PPARGC1A: variants seen among roughly 807,000 people sequenced by gnomAD.
PPARGC1A encodes peroxisome proliferator-activated receptor gamma coactivator 1-alpha.
In PPARGC1A, 25 loss-of-function variants were observed where a neutral mutation model predicts 88.7. The ratio of observed to expected loss-of-function variants is 0.28; its 90% CI spans 0.21 to 0.39. PPARGC1A has a LOEUF of 0.39. Ranked by LOEUF, PPARGC1A falls within the 10% of genes least tolerant of loss-of-function variation. The pLI is 1.00. For missense variants in PPARGC1A, 880 were observed against 968.7 expected (o/e 0.91, Z 1.22); for synonymous variants, 363 against 355.6 (o/e 1.02, Z -0.24).
the PPARGC1A span, among the ~76,000 whole-genome samples, chr4:24,269,355 A>G: frequency 8.0e-6 from 1 of 124,672 alleles, no homozygotes; most frequent in Admixed American, 9.1e-5. Context: ...AATCAGAGTC[A>G]TTTATCTCAA....
chr4:24,002,093 CACACAGAG>C, the PPARGC1A span, among the ~76,000 whole-genome samples: 13 of 135,700 alleles, frequency 9.6e-5, no homozygotes, highest in South Asian at 2.6e-4. Flanking sequence ...CACACACACA[CACACAGAG>C]AGAGAGAGAG....
chr4:24,159,915 G>T, the PPARGC1A span, among the ~76,000 whole-genome samples: 1 of 152,140 alleles, frequency 6.6e-6, no homozygotes, highest in African/African-American at 2.4e-5. Flanking sequence ...CTGCTGAAAG[G>T]CCACTCCCTG....
At chr4:24,371,041 C>T in the PPARGC1A span, among the ~76,000 whole-genome samples, 3 of 152,060 alleles carry the variant, frequency 2.0e-5, no homozygotes, top group South Asian at 2.1e-4. Flanking sequence ...TTTGGTTTTC[C>T]GTTCCTGTGT....
At chr4:24,155,512 G>A in the PPARGC1A span, among the ~76,000 whole-genome samples, 1 of 151,366 alleles carries the variant, frequency 6.6e-6, no homozygotes, top group Non-Finnish European at 1.5e-5. Flanking sequence ...GAGGCATGAG[G>A]ATTGCTTAAG....
chr4:24,009,556 T>C, the PPARGC1A span, among the ~76,000 whole-genome samples: 1 of 152,214 alleles, frequency 6.6e-6, no homozygotes, highest in African/African-American at 2.4e-5. Context: ...GCTAGTTTCT[T>C]TCTCATTCTC....
chr4:24,162,596 T>TC, the PPARGC1A span, among the ~76,000 whole-genome samples: 1 of 150,930 alleles, frequency 6.6e-6, no homozygotes, highest in Non-Finnish European at 1.5e-5. Flanking sequence ...ACTTCCTTTT[T>TC]TTTTTTTTTT....
chr4:24,144,750 T>C, the PPARGC1A span, among the ~76,000 whole-genome samples: 1 of 151,994 alleles, frequency 6.6e-6, no homozygotes, highest in African/African-American at 2.4e-5. Context: ...TGTCACCTCA[T>C]CTGGAGGTTA....
the PPARGC1A span, among the ~76,000 whole-genome samples, chr4:24,430,255 C>CTTT: frequency 1.7e-4 from 19 of 110,752 alleles, no homozygotes; most frequent in South Asian, 8.9e-4. Context: ...TTTTGTATTT[C>CTTT]TTTTTTTTTT....
the PPARGC1A span, among the ~76,000 whole-genome samples, chr4:24,338,386 A>C: frequency 5.9e-5 from 9 of 152,194 alleles, no homozygotes; most frequent in African/African-American, 2.2e-4. Flanking sequence ...ACACAATGAG[A>C]ATATATTTGC....
At chr4:24,043,197 A>G in the PPARGC1A span, among the ~76,000 whole-genome samples, 1 of 152,172 alleles carries the variant, frequency 6.6e-6, no homozygotes, top group Non-Finnish European at 1.5e-5. Flanking sequence ...TCAGAAGCCC[A>G]AAGAAGGGTT....
chr4:24,202,093 G>T, the PPARGC1A span, among the ~76,000 whole-genome samples: 1 of 151,864 alleles, frequency 6.6e-6, no homozygotes, highest in African/African-American at 2.4e-5. Context: ...GTAGTGACAG[G>T]GTTTCACCAT....
chr4:24,450,210 A>T, the PPARGC1A span, among the ~76,000 whole-genome samples: 3 of 152,190 alleles, frequency 2.0e-5, no homozygotes, highest in Non-Finnish European at 4.4e-5. Context: ...GCCTCTGTTC[A>T]TATGTGCCAC....
At chr4:24,143,651 G>A in the PPARGC1A span, among the ~76,000 whole-genome samples, 1 of 152,030 alleles carries the variant, frequency 6.6e-6, no homozygotes, top group Non-Finnish European at 1.5e-5. Context: ...ATGATAGATA[G>A]ACAAATGTGT....
At chr4:24,153,308 T>G in the PPARGC1A span, among the ~76,000 whole-genome samples, 1 of 151,988 alleles carries the variant, frequency 6.6e-6, no homozygotes, top group African/African-American at 2.4e-5. Context: ...CTCCCAGCAC[T>G]CAGAAATAAA....
the PPARGC1A span, among the ~76,000 whole-genome samples, chr4:24,034,492 T>C: frequency 6.6e-6 from 1 of 152,346 alleles, no homozygotes; most frequent in African/African-American, 2.4e-5. Context: ...TATTCATTAA[T>C]TGGTATTGTG....
chr4:24,129,890 G>A, the PPARGC1A span, among the ~76,000 whole-genome samples: 71 of 152,016 alleles, frequency 4.7e-4, no homozygotes, highest in African/African-American at 1.4e-3. Context: ...GCAAACTATC[G>A]CCAAGGACAA....
the PPARGC1A span, among the ~76,000 whole-genome samples, chr4:24,441,992 T>C: frequency 1.1e-3 from 163 of 152,368 alleles, 1 homozygote; most frequent in Middle Eastern, 6.8e-3. Context: ...TTTTTCAACG[T>C]ATCAGTTATG....
the PPARGC1A span, among the ~76,000 whole-genome samples, chr4:24,060,585 T>A: frequency 3.3e-5 from 5 of 152,336 alleles, no homozygotes; most frequent in African/African-American, 4.8e-5. Flanking sequence ...TGCATTTTAA[T>A]ATTTAAGCCT....
the PPARGC1A span, among the ~76,000 whole-genome samples, chr4:24,129,570 T>G: frequency 6.6e-6 from 1 of 152,206 alleles, no homozygotes; most frequent in East Asian, 1.9e-4. Flanking sequence ...GTTCAACCAT[T>G]GTGGAAGTCA....
Sources: allele counts gnomAD v4.1 joint callset (sites outside exome capture counted in the v4.1 genomes callset), GRCh38; gene constraint gnomAD v4.1.1; transcripts MANE v1.5; gene names NCBI Gene and HGNC (gene_info 2026-07-23, HGNC 2026-07-21).